The following GPC6 variants were observed in gnomAD, a reference collection of about 807,000 sequenced individuals.
The protein encoded by GPC6 is glypican-6.
Under a neutral mutation model 55.2 loss-of-function variants are expected in GPC6, and 14 were observed. The ratio of observed to expected loss-of-function variants is 0.25; its 90% CI spans 0.17 to 0.40. GPC6 has a LOEUF of 0.40. Among genes scored for constraint, GPC6 ranks in the 10% least tolerant of loss-of-function variants. GPC6 has a pLI of 1.00. For synonymous variants in GPC6, 278 were observed against 259.6 expected (o/e 1.07, Z -0.68); for missense variants, 641 against 708.5 (o/e 0.90, Z 1.08).
In GPC6 at chr13:94,075,658, C is replaced by T. The variant is rs184177001; in HGVS notation, c.877+47764C>T. ...CAACCGCCATTCATTCTATTCTCTG[C>T]TTCTATGAGTTTGACTATTTCAGGA... On this transcript the variant is annotated intron_variant, in intron 4 of 8. Coordinates refer to ENST00000377047, the MANE Select transcript of GPC6 (RefSeq NM_005708.5). Among the ~76,000 whole-genome samples the T allele has an allele frequency of 6.0e-4, 92 of 152,254 alleles. 2 individuals carry two copies. The highest frequency in any genetic ancestry group is 5.4e-3 in the Admixed American group (82 of 15,286).
At chr13:93,648,238 G>A (rs977713638) in intron 2 of GPC6, among the ~76,000 whole-genome samples, 1 of 152,098 alleles carries the variant, frequency 6.6e-6, no homozygotes, top group African/African-American at 2.4e-5. Flanking sequence ...AGCCCCATCT[G>A]CTAAGAGGTC....
In GPC6 at chr13:93,272,076, TC is replaced by T. The variant is rs201985316; in HGVS notation, c.160+44461del. On this transcript the variant is annotated intron_variant, in intron 1 of 8. Transcript: ENST00000377047. Reference sequence around the variant, plus strand: ...TATCAAGAGGTAGTTAATTTTTTTTTCGCTTGTATTAGGGAAAAATAAGCTG... The same window carrying T: ...TATCAAGAGGTAGTTAATTTTTTTTTGCTTGTATTAGGGAAAAATAAGCTG... 1.4e-3 allele frequency among the ~76,000 whole-genome samples: 216 copies of T among 152,032 alleles called. 3 individuals carry two copies. The highest frequency in any genetic ancestry group is 4.9e-3 in the African/African-American group (204 of 41,490).
At chr13:93,467,608 G>T (rs1251292405) in intron 1 of GPC6, among the ~76,000 whole-genome samples, 3 of 126,948 alleles carry the variant, frequency 2.4e-5, no homozygotes, top group Non-Finnish European at 3.2e-5. Context: ...TTGAGACATG[G>T]TCTCATCCTG....
chr13:93,264,821 A>G (rs1224748638), intron 1 of GPC6, among the ~76,000 whole-genome samples: 2 of 151,940 alleles, frequency 1.3e-5, no homozygotes, highest in African/African-American at 4.8e-5. Context: ...ATTATCTTTT[A>G]ATTTTATTTT....
At chr13:93,765,685 C>A (rs7987713) in intron 2 of GPC6, among the ~76,000 whole-genome samples, 3,056 of 152,134 alleles carry the variant, frequency 0.02, 89 homozygotes, top group African/African-American at 0.07. Flanking sequence ...TTACATAGCA[C>A]CCTAAAGCTA....
intron 4 of GPC6, among the ~76,000 whole-genome samples, chr13:94,271,366 A>ACACGCGCGCG (rs1491208962): frequency 1.5e-5 from 2 of 131,310 alleles, no homozygotes; most frequent in Non-Finnish European, 3.4e-5. Flanking sequence ...ACACACACAC[A>ACACGCGCGCG]CGCGCGCGCG....
At chr13:93,857,400 A>G (rs1281821501) in intron 3 of GPC6, among the ~76,000 whole-genome samples, 1 of 151,578 alleles carries the variant, frequency 6.6e-6, no homozygotes, top group Admixed American at 6.6e-5. Flanking sequence ...GATGTTATCC[A>G]GAATAATTTG....
chr13:93,992,587 C>T (rs781469818), intron 3 of GPC6, among the ~76,000 whole-genome samples: 1 of 152,118 alleles, frequency 6.6e-6, no homozygotes, highest in African/African-American at 2.4e-5. Context: ...AAGGTTAATT[C>T]AAGGTATCAG....
chr13:93,324,899 T>G (rs1159317565), intron 1 of GPC6, among the ~76,000 whole-genome samples: 1 of 152,034 alleles, frequency 6.6e-6, no homozygotes, highest in Admixed American at 6.6e-5. Context: ...ATTTATGCTG[T>G]TTTTAGGCCC....
chr13:93,879,689 G>A (rs1874833718), intron 3 of GPC6, among the ~76,000 whole-genome samples: 1 of 151,638 alleles, frequency 6.6e-6, no homozygotes, highest in Non-Finnish European at 1.5e-5. Flanking sequence ...AAAAGCAATG[G>A]CAACAAAAGC....
At chr13:93,430,045 T>C (rs1004498943) in intron 1 of GPC6, among the ~76,000 whole-genome samples, 7 of 152,262 alleles carry the variant, frequency 4.6e-5, no homozygotes, top group Admixed American at 3.3e-4. Context: ...GGGCAAAGGC[T>C]GCAGTCAAGA....
intron 4 of GPC6, among the ~76,000 whole-genome samples, chr13:94,148,614 G>A (rs748273995): frequency 2.6e-5 from 4 of 152,100 alleles, no homozygotes; most frequent in African/African-American, 9.7e-5. Context: ...AAACTGTAGC[G>A]ACCATTACAT....
At chr13:94,038,351 T>C (rs1240053992) in intron 4 of GPC6, among the ~76,000 whole-genome samples, 1 of 151,898 alleles carries the variant, frequency 6.6e-6, no homozygotes, top group Non-Finnish European at 1.5e-5. Context: ...TGGTTTCTTT[T>C]TGCTTAGACC....
At chr13:93,323,624 A>T (rs1048946550) in intron 1 of GPC6, among the ~76,000 whole-genome samples, 1 of 152,176 alleles carries the variant, frequency 6.6e-6, no homozygotes, top group African/African-American at 2.4e-5. Flanking sequence ...TTTTACTTAC[A>T]TTATATAATT....
At chr13:93,322,431 CTTTTTTT>C (rs71272281) in intron 1 of GPC6, among the ~76,000 whole-genome samples, 1 of 96,778 alleles carries the variant, frequency 1.0e-5, no homozygotes, top group Admixed American at 1.3e-4. Context: ...TTTCTTTCTT[CTTTTTTT>C]TTTTTTTTTT....
At chr13:93,865,409 A>T (rs1218972532) in intron 3 of GPC6, among the ~76,000 whole-genome samples, 1 of 151,752 alleles carries the variant, frequency 6.6e-6, no homozygotes, top group Non-Finnish European at 1.5e-5. Context: ...ACAGCGTGAG[A>T]CACCAAAGGA....
intron 1 of GPC6, among the ~76,000 whole-genome samples, chr13:93,428,871 T>C (rs1203670420): frequency 6.6e-6 from 1 of 152,172 alleles, no homozygotes; most frequent in East Asian, 1.9e-4. Context: ...TTCACCCATT[T>C]TGGAAATCAC....
chr13:94,198,000 T>G (rs1445995194), intron 4 of GPC6, among the ~76,000 whole-genome samples: 1 of 152,248 alleles, frequency 6.6e-6, no homozygotes, highest in Non-Finnish European at 1.5e-5. Context: ...TGTTTTGATT[T>G]TAATTGTACC....
intron 2 of GPC6, among the ~76,000 whole-genome samples, chr13:93,778,672 T>C (rs1885542835): frequency 6.6e-6 from 1 of 152,182 alleles, no homozygotes; most frequent in African/African-American, 2.4e-5. Flanking sequence ...ACAAATTATT[T>C]ATTTCACCAT....
Sources: allele counts gnomAD v4.1 joint callset (sites outside exome capture counted in the v4.1 genomes callset), GRCh38; gene constraint gnomAD v4.1.1; transcripts MANE v1.5; gene names NCBI Gene and HGNC (gene_info 2026-07-23, HGNC 2026-07-21).